Variants in SAXO1 observed in about 807,000 individuals in gnomAD.
SAXO1 encodes 4930500O09Rik.
Under a neutral mutation model 17.5 loss-of-function variants are expected in SAXO1, and 21 were observed. The observed-to-expected ratio is 1.20, with a 90% confidence interval of 0.85 to 1.72. SAXO1 has a LOEUF of 1.72. Ranked by LOEUF, SAXO1 falls within the 40% of genes most tolerant of loss-of-function variation. The probability of loss-of-function intolerance (pLI) is 0.00; values close to 1 mark genes in which losing one functional copy is unlikely to be tolerated. For synonymous variants in SAXO1, 274 were observed against 216.5 expected (o/e 1.27, Z -2.33); for missense variants, 843 against 596.0 (o/e 1.41, Z -4.32).
At chr9:19,036,606 G>A (rs540626953), upstream of SAXO1, among the ~76,000 whole-genome samples, 3 of 152,180 alleles carry the variant, frequency 2.0e-5, no homozygotes, top group Non-Finnish European at 4.4e-5. Context: ...CCAAGCCTTG[G>A]CAGCTTCCGC....
intron 1 of SAXO1, among the ~76,000 whole-genome samples, chr9:19,025,987 T>C (rs1280138814): frequency 1.3e-5 from 2 of 152,130 alleles, no homozygotes; most frequent in East Asian, 3.8e-4. Context: ...ACTAATTAAG[T>C]TGGTTAATGG....
chr9:19,022,328 A>C (rs1212774998), intron 1 of SAXO1, among the ~76,000 whole-genome samples: 1 of 152,236 alleles, frequency 6.6e-6, no homozygotes, highest in Non-Finnish European at 1.5e-5. Flanking sequence ...TGTAACATTC[A>C]CTGCGAGAGT....
At chr9:18,995,400 C>A (rs979412830) in intron 1 of SAXO1, among the ~76,000 whole-genome samples, 7 of 152,160 alleles carry the variant, frequency 4.6e-5, no homozygotes, top group Non-Finnish European at 7.4e-5. Context: ...GCTGAAGTAG[C>A]CCAAAGCGGT....
chr9:18,999,496 AC>A (rs1335192798), intron 1 of SAXO1, among the ~76,000 whole-genome samples: 2 of 146,870 alleles, frequency 1.4e-5, no homozygotes, highest in Non-Finnish European at 3.0e-5. Context: ...CGGCCGCCCC[AC>A]CATCTGGGAA....
At chr9:19,023,784 G>A (rs1191242395) in intron 1 of SAXO1, among the ~76,000 whole-genome samples, 1 of 40,228 alleles carries the variant, frequency 2.5e-5, no homozygotes, top group East Asian at 3.1e-4. Flanking sequence ...AAGAAAGAAG[G>A]AAGGAAGGGA....
At chr9:19,009,272 G>T (rs1834621433) in intron 1 of SAXO1, among the ~76,000 whole-genome samples, 1 of 152,002 alleles carries the variant, frequency 6.6e-6, no homozygotes. Flanking sequence ...TCCCAGCAGA[G>T]CTAAGAAAGG....
chr9:18,951,961 T>G (rs983199519), intron 1 of SAXO1, among the ~76,000 whole-genome samples: 10 of 152,218 alleles, frequency 6.6e-5, no homozygotes, highest in Non-Finnish European at 1.5e-4. Flanking sequence ...TTAAATAAAC[T>G]TTATACCTAG....
intron 1 of SAXO1, among the ~76,000 whole-genome samples, chr9:18,975,895 G>A (rs1833130529): frequency 6.6e-6 from 1 of 151,082 alleles, no homozygotes; most frequent in African/African-American, 2.4e-5. Flanking sequence ...GACAGACCAA[G>A]AGAGATGTAA....
At chr9:19,048,841 G>A (rs1836283089) in intron 1 of SAXO1, among the ~76,000 whole-genome samples, 1 of 152,210 alleles carries the variant, frequency 6.6e-6, no homozygotes, top group Admixed American at 6.5e-5. Flanking sequence ...AAATTCTAAA[G>A]TCTGAGATTA....
At chr9:18,952,915 A>G (rs7044758) in intron 1 of SAXO1, among the ~76,000 whole-genome samples, 85,715 of 151,790 alleles carry the variant, frequency 0.56, 26,960 homozygotes, top group Non-Finnish European at 0.71. Flanking sequence ...TAAATTGAGA[A>G]CTTTAAAGTA....
At position 18,930,633 on chromosome 9, in the gene SAXO1, G is replaced by T. The variant is rs555347017; in HGVS notation, c.422-1578C>A. 3.9e-5 allele frequency among the ~76,000 whole-genome samples: 6 copies of T among 152,242 alleles called. No homozygotes were observed. In the South Asian group the frequency reaches 1.2e-3, roughly 32 times the overall value. ...TCCTGCCTCAGCCTCCCTAGTAGCT[G>T]GGATTACAGGCATGTGCCACCGCAC... On this transcript the variant is annotated intron_variant, in intron 3 of 3. Coordinates refer to ENST00000380534, the MANE Select transcript of SAXO1 (RefSeq NM_153707.4).
intron 1 of SAXO1, among the ~76,000 whole-genome samples, chr9:18,997,546 C>T (rs1364458853): frequency 1.3e-5 from 2 of 152,240 alleles, no homozygotes; most frequent in East Asian, 3.8e-4. Context: ...CATATCTGAA[C>T]AAAAGGAAGT....
chr9:19,046,965 T>C (rs1411536485), intron 1 of SAXO1, among the ~76,000 whole-genome samples: 4 of 152,188 alleles, frequency 2.6e-5, no homozygotes, highest in Non-Finnish European at 5.9e-5. Flanking sequence ...GGCGGGCAGA[T>C]CACTTAAGAC....
chr9:19,000,736 G>C (rs1834232447), intron 1 of SAXO1, among the ~76,000 whole-genome samples: 1 of 152,082 alleles, frequency 6.6e-6, no homozygotes, highest in Non-Finnish European at 1.5e-5. Context: ...TAAAGGAATG[G>C]AGGAAGATCT....
At chr9:19,005,994 T>C (rs957043976) in intron 1 of SAXO1, among the ~76,000 whole-genome samples, 4 of 152,154 alleles carry the variant, frequency 2.6e-5, no homozygotes, top group African/African-American at 9.7e-5. Flanking sequence ...AAAGGAGATA[T>C]ACAAACGGCA....
In SAXO1 at chr9:18,949,109, T is replaced by C. The variant is rs1484684102; in HGVS notation, c.218+1649A>G. 3.9e-5 allele frequency among the ~76,000 whole-genome samples: 6 copies of C among 152,194 alleles called. No individual in the cohort carries two copies. In the South Asian group the frequency reaches 1.0e-3, roughly 26 times the overall value. ...AAAGAATACTGTTTTCCCAGCAAAA[T>C]GAAGCCCAAACTTTAGTGTTCATAT... On this transcript the variant is annotated intron_variant, in intron 2 of 3. Coordinates refer to ENST00000380534, the MANE Select transcript of SAXO1 (RefSeq NM_153707.4).
chr9:18,943,292 T>C (rs140415477), intron 2 of SAXO1, among the ~76,000 whole-genome samples: 250 of 152,320 alleles, frequency 1.6e-3, no homozygotes, highest in African/African-American at 5.7e-3. Flanking sequence ...TTATAGGACA[T>C]TCAGCCTGGG....
chr9:18,961,411 C>T (rs1563945730), intron 1 of SAXO1, among the ~76,000 whole-genome samples: 4 of 152,180 alleles, frequency 2.6e-5, no homozygotes, highest in African/African-American at 9.7e-5. Context: ...CATAGGTATA[C>T]ATGTGCCATG....
At chr9:18,968,975 GGATT>G (rs1207790140) in intron 1 of SAXO1, among the ~76,000 whole-genome samples, 3 of 152,058 alleles carry the variant, frequency 2.0e-5, no homozygotes, top group African/African-American at 7.2e-5. Flanking sequence ...TGGATGGCTG[GGATT>G]GATGGATGAA....
Sources: gnomAD v4.1 joint callset for allele counts (sites outside exome capture counted in the v4.1 genomes callset) on GRCh38, gnomAD v4.1.1 for gene constraint, MANE v1.5 for transcripts, NCBI Gene and HGNC (gene_info 2026-07-23, HGNC 2026-07-21) for gene names.